BMPER: variants seen among roughly 807,000 people sequenced by gnomAD.
The protein encoded by BMPER is BMP binding endothelial regulator, also known as BMP-binding endothelial regulator protein.
In BMPER, 45 loss-of-function variants were observed where a neutral mutation model predicts 87.3. That is an observed-to-expected ratio of 0.52 (90% CI 0.41 to 0.66). BMPER has a LOEUF of 0.66. Ranked by LOEUF, BMPER falls within the 30% of genes least tolerant of loss-of-function variation. The pLI, the probability that BMPER is intolerant of heterozygous loss-of-function variation, is 0.00. For synonymous variants in BMPER, 326 were observed against 316.2 expected (o/e 1.03, Z -0.33); for missense variants, 784 against 867.5 (o/e 0.90, Z 1.21).
At chr7:33,946,262 C>T (rs536964890) in intron 3 of BMPER, among the ~76,000 whole-genome samples, 54 of 152,182 alleles carry the variant, frequency 3.5e-4, no homozygotes, top group Middle Eastern at 6.8e-3. Flanking sequence ...CAATTACTTC[C>T]CACTGGGTCC....
intron 6 of BMPER, among the ~76,000 whole-genome samples, chr7:33,992,621 A>G (rs1786257933): frequency 1.3e-5 from 2 of 148,778 alleles, no homozygotes; most frequent in Non-Finnish European, 3.0e-5. Flanking sequence ...ATTTACATTT[A>G]AAGTTAATAG....
chr7:34,046,221 C>A, intron 6 of BMPER, 85 bp from the exon 7 acceptor site: 1 of 1,302,220 alleles, frequency 7.7e-7, no homozygotes, highest in Non-Finnish European at 1.1e-6. Flanking sequence ...ATGGAAGGGC[C>A]TTAGGTTTGT....
chr7:33,937,638 T>C (rs1784639556), intron 3 of BMPER: 1 of 504,146 alleles, frequency 2.0e-6, no homozygotes, highest in South Asian at 2.1e-5. Context: ...TTTGGTTTGT[T>C]TTCTAAGGCA....
At chr7:33,963,473 A>G (rs1414286597) in intron 3 of BMPER, among the ~76,000 whole-genome samples, 1 of 152,162 alleles carries the variant, frequency 6.6e-6, no homozygotes, top group African/African-American at 2.4e-5. Flanking sequence ...ATATTTTATA[A>G]AAGTATCAGT....
intron 6 of BMPER, among the ~76,000 whole-genome samples, chr7:33,978,887 T>C (rs1785763631): frequency 6.6e-6 from 1 of 152,152 alleles, no homozygotes; most frequent in South Asian, 2.1e-4. Flanking sequence ...TTGAAAACTA[T>C]ACTTAAAGTG....
chr7:34,051,441 T>TA (rs1416437977), intron 7 of BMPER, among the ~76,000 whole-genome samples: 2 of 152,214 alleles, frequency 1.3e-5, no homozygotes, highest in African/African-American at 4.8e-5. Flanking sequence ...TCAGGCATTA[T>TA]ATCTTCCAAG....
chr7:34,078,912 G>A lies in BMPER; in HGVS notation c.1134G>A (p.Arg378=). The A allele has an allele frequency of 2.5e-6, 4 of 1,614,176 alleles. No homozygotes were observed. Among genetic ancestry groups the A allele is most frequent in the Non-Finnish European group, 3.4e-6 (4 of 1,180,036 alleles). Residue 378 remains arginine, a synonymous_variant, in exon 12 of 15, where the codon CGG becomes CGA. Transcript: ENST00000649409. ...CCCACTACAACACTTTTGACGGTCG[G>A]ACATTTAACTTTCAGGGGACGTGTC... is the stretch of plus-strand genomic sequence containing the variant. ...GDPHYNTFDG[R]TFNFQGTCQY...
chr7:34,083,789 C>G (rs949601391), intron 12 of BMPER, among the ~76,000 whole-genome samples: 1 of 152,096 alleles, frequency 6.6e-6, no homozygotes, highest in African/African-American at 2.4e-5. Context: ...GATCCTCTCT[C>G]TCTCTCTCTC....
intron 9 of BMPER, 55 bp from the exon 10 acceptor site, chr7:34,058,004 C>T (rs1036573187): frequency 9.9e-6 from 15 of 1,515,564 alleles, no homozygotes; most frequent in Non-Finnish European, 1.2e-5. Context: ...CAGTCTGTTG[C>T]CTCAACTCCT....
At chr7:33,963,688 G>A (rs550398081) in intron 3 of BMPER, among the ~76,000 whole-genome samples, 2 of 152,238 alleles carry the variant, frequency 1.3e-5, no homozygotes, top group East Asian at 3.9e-4. Flanking sequence ...CACCTACTCA[G>A]GGGGCTGAGT....
At chr7:34,126,703 C>A (rs1420326) in intron 13 of BMPER, among the ~76,000 whole-genome samples, 25,196 of 152,130 alleles carry the variant, frequency 0.17, 2,330 homozygotes, top group Non-Finnish European at 0.2. Flanking sequence ...GGCTTTCAAC[C>A]ATTATCTTTA....
intron 6 of BMPER, among the ~76,000 whole-genome samples, chr7:34,031,943 C>CATAT (rs1554307595): frequency 3.4e-5 from 4 of 117,354 alleles, no homozygotes; most frequent in African/African-American, 1.0e-4. Flanking sequence ...CACACACACA[C>CATAT]ATATATATAC....
At chr7:33,982,492 A>C (rs1219964308) in intron 6 of BMPER, among the ~76,000 whole-genome samples, 1 of 151,684 alleles carries the variant, frequency 6.6e-6, no homozygotes, top group Non-Finnish European at 1.5e-5. Flanking sequence ...GATTTTGAAC[A>C]GTCAATTGAA....
intron 2 of BMPER, among the ~76,000 whole-genome samples, chr7:33,909,680 C>CAAAAAAAAAAAAAAAAAA: frequency 1.9e-5 from 1 of 53,528 alleles, no homozygotes; most frequent in Non-Finnish European, 3.8e-5. Flanking sequence ...ATAACATGTA[C>CAAAAAAAAAAAAAAAAAA]AAAAAAAAAA....
intron 10 of BMPER, 35 bp downstream of exon 10, chr7:34,058,198 G>C (rs182326878): frequency 6.3e-7 from 1 of 1,584,570 alleles, no homozygotes; most frequent in Admixed American, 1.7e-5. Context: ...TTACCTTAGC[G>C]TCTTGAGAAA....
intron 2 of BMPER, among the ~76,000 whole-genome samples, chr7:33,925,121 G>A (rs1207010852): frequency 1.3e-5 from 2 of 152,154 alleles, no homozygotes; most frequent in Non-Finnish European, 2.9e-5. Context: ...GCCCTGTGAG[G>A]ACATGGCCCT....
intron 13 of BMPER, among the ~76,000 whole-genome samples, chr7:34,135,027 G>A (rs1037717160): frequency 4.6e-5 from 7 of 152,154 alleles, no homozygotes; most frequent in Non-Finnish European, 1.0e-4. Flanking sequence ...GTGTGCTGCT[G>A]TGCACGTAAT....
intron 10 of BMPER, among the ~76,000 whole-genome samples, chr7:34,059,625 C>T (rs1788379620): frequency 6.7e-6 from 1 of 149,186 alleles, no homozygotes; most frequent in African/African-American, 2.5e-5. Flanking sequence ...TCCTCCAGTT[C>T]ACACTTTCCC....
chr7:34,047,810 T>TTCCTTCCTTCCTTCCTTC (rs1304068233), intron 7 of BMPER, among the ~76,000 whole-genome samples: 4 of 74,626 alleles, frequency 5.4e-5, no homozygotes, highest in African/African-American at 5.4e-5. Context: ...TTCCTTCCTT[T>TTCCTTCCTTCCTTCCTTC]CTTCCTCACT....
Sources: gnomAD v4.1 joint callset for allele counts (sites outside exome capture counted in the v4.1 genomes callset) on GRCh38, gnomAD v4.1.1 for gene constraint, MANE v1.5 for transcripts, NCBI Gene and HGNC (gene_info 2026-07-23, HGNC 2026-07-21) for gene names.